Variants in SHKBP1 observed in about 807,000 individuals in gnomAD.
SHKBP1 encodes the protein SH3KBP1 binding protein 1.
SHKBP1 carries 71 observed loss-of-function variants against 83.9 expected under a neutral mutation model. The ratio of observed to expected loss-of-function variants is 0.85; its 90% CI spans 0.70 to 1.03. SHKBP1 has a LOEUF of 1.03. Among genes scored for constraint, SHKBP1 ranks in the 50% least tolerant of loss-of-function variants. The pLI is 0.00. For missense variants in SHKBP1, 824 were observed against 982.4 expected (o/e 0.84, Z 2.16); for synonymous variants, 371 against 398.0 (o/e 0.93, Z 0.81).
At position 40,589,287 on chromosome 19, in the gene SHKBP1, C is replaced by T. The variant is rs931258120; in HGVS notation, c.1589+109C>T. 2.7e-6 allele frequency: 3 copies of T among 1,118,632 alleles called. No individual in the cohort carries two copies. The Admixed American group carries it at 6.0e-5, about 22-fold the overall frequency. 69.3% of individuals were successfully genotyped at this position (1,118,632 alleles called of 1,614,324 possible). A position where few individuals can be genotyped will look rare whatever the true frequency, so the allele number is the denominator to read the frequency against. On this transcript the variant is annotated intron_variant, in intron 15 of 17. Transcript: ENST00000291842. The stretch of plus-strand genomic sequence containing the variant: ...CAGATCACTGAGGCCAGAAAGGGGT[C>T]CCAGCCAAGGAGCATTGAAGGAGCA...
In SHKBP1 at chr19:40,586,827, CG is replaced by C; in HGVS notation, c.1222del (p.Val408SerfsTer51). 6.2e-7 allele frequency: 1 copy of C among 1,611,014 alleles called. No homozygotes were observed. Among genetic ancestry groups the C allele is most frequent in the Non-Finnish European group, 8.5e-7 (1 of 1,178,104 alleles). ...IAYGTSSGGV[R>X]VIVQHPETVG... ...CTATGGCACCAGCTCAGGGGGCGTG[CG>C]GGTCATCGTGCAGCACCCGGAGACT... is the stretch of plus-strand genomic sequence containing the variant. On this transcript the variant is annotated frameshift_variant, in exon 13 of 18. Coordinates refer to ENST00000291842, the MANE Select transcript of SHKBP1 (RefSeq NM_138392.4). LOFTEE classifies it high-confidence loss of function.
Position 40,583,584 on chromosome 19 carries a change from C to A in SHKBP1, c.1049-17C>A, listed in dbSNP as rs777208761. 1.9e-6 allele frequency: 3 copies of A among 1,610,890 alleles called. No individual in the cohort carries two copies. Among genetic ancestry groups the A allele is most frequent in the South Asian group, 1.1e-5 (1 of 90,982 alleles). Reference sequence around the variant, plus strand: ...GCACTTGGAACAAACCCGCTCCACCCTCCCTGCCCACCCCAGATGTGCAGA... The same window carrying A: ...GCACTTGGAACAAACCCGCTCCACCATCCCTGCCCACCCCAGATGTGCAGA... On this transcript the variant is annotated splice_polypyrimidine_tract_variant and intron_variant, in intron 11 of 17. Coordinates refer to ENST00000291842, the MANE Select transcript of SHKBP1 (RefSeq NM_138392.4).
At position 40,591,077 on chromosome 19, in the gene SHKBP1, A is replaced by T; in HGVS notation, c.1994A>T (p.Glu665Val). ...ARRRGGGSFV[E>V]RCQELVRSGP... Reference sequence around the variant, plus strand: ...CGCCGTGGTGGGGGCAGCTTTGTGGAACGCTGCCAGGAACTGGTGCGGAGT... The same window carrying T: ...CGCCGTGGTGGGGGCAGCTTTGTGGTACGCTGCCAGGAACTGGTGCGGAGT... Residue 665 changes from glutamate to valine, a missense_variant, in exon 18 of 18, where the codon GAA becomes GTA. By Grantham distance (121) the Glu-to-Val change is moderately radical (BLOSUM62 -2). Transcript: ENST00000291842. 6.2e-7 allele frequency: 1 copy of T among 1,612,948 alleles called. No individual in the cohort carries two copies. Among genetic ancestry groups the T allele is most frequent in the Middle Eastern group, 1.7e-4 (1 of 6,054 alleles).
chr19:40,584,801 T>G (rs978378420), intron 12 of SHKBP1, among the ~76,000 whole-genome samples: 2 of 152,214 alleles, frequency 1.3e-5, no homozygotes, highest in African/African-American at 2.4e-5. Context: ...TTTTCTACTT[T>G]AAGTAGAGAC....
rs777788086 is a variant in SHKBP1 at position 40,589,176 on chromosome 19, GCGGTGAGGA to G, written c.1589_1589+8del. 8 of 1,610,260 alleles carry G rather than the reference GCGGTGAGGA, an allele frequency of 5.0e-6. No individual in the cohort carries two copies. In the South Asian group the frequency reaches 5.5e-5, roughly 11 times the overall value. On this transcript the variant is annotated splice_donor_variant and splice_donor_5th_base_variant and coding_sequence_variant and intron_variant, in exon 15 of 18. Coordinates refer to ENST00000291842, the MANE Select transcript of SHKBP1 (RefSeq NM_138392.4). LOFTEE classifies it high-confidence loss of function. The stretch of plus-strand genomic sequence containing the variant: ...TCGTGCGTCTCTCATCTACTGGGCA[GCGGTGAGGA>G]CAGTCCTGTCCAACAGGGAGGGAGG...
At chr19:40,578,415 G>T (rs1419583809) in intron 5 of SHKBP1, 47 bp from the exon 6 acceptor site, 1 of 1,594,554 alleles carries the variant, frequency 6.3e-7, no homozygotes, top group Admixed American at 1.7e-5. Flanking sequence ...AAATGGGGTG[G>T]CCTCAGCATC....
rs768058110 is a variant in SHKBP1, at chr19:40,591,245, C to T, written c.*38C>T. 2.0e-6 allele frequency: 3 copies of T among 1,514,954 alleles called. No homozygotes were observed. The Admixed American group carries it at 5.9e-5, about 30-fold the overall frequency. 93.8% of individuals were successfully genotyped at this position (1,514,954 alleles called of 1,614,324 possible). On this transcript the variant is annotated 3_prime_UTR_variant, in exon 18 of 18. Coordinates refer to ENST00000291842, the MANE Select transcript of SHKBP1 (RefSeq NM_138392.4). ...CCATGATGCCTTGGGATGCCCTGGT[C>T]CTGGGGGACTCAGGTGCCTCCCTGA...
chr19:40,587,476 C>T (rs775831002), intron 13 of SHKBP1, among the ~76,000 whole-genome samples: 2 of 152,030 alleles, frequency 1.3e-5, no homozygotes, highest in Non-Finnish European at 2.9e-5. Context: ...CTGTAATCCC[C>T]GCTACTCGGG....
Position 40,590,591 on chromosome 19 carries a change from T to C in SHKBP1, c.1769-139T>C. The C allele has an allele frequency of 1.5e-6, 2 of 1,310,734 alleles. No individual in the cohort carries two copies. Among genetic ancestry groups the C allele is most frequent in the African/African-American group, 3.0e-5 (2 of 67,786 alleles). The allele number at this position is 1,310,734 out of a possible 1,614,324, so 81.2% of individuals were successfully genotyped here. On this transcript the variant is annotated intron_variant, in intron 16 of 17. Transcript: ENST00000291842. This position sits in a 1 kb window ranked among gnomAD's most constrained non-coding sequence, Gnocchi z 4.6. ...TCCTGCCCTTGTTTTTCAACCCCTG[T>C]CTCAGCCTCTGGCCCCCATGCATTG...
At position 40,591,173 on chromosome 19, in the gene SHKBP1, C is replaced by A; in HGVS notation, c.2090C>A (p.Pro697His). 6.3e-7 allele frequency: 1 copy of A among 1,595,060 alleles called. No individual in the cohort carries two copies. Among genetic ancestry groups the A allele is most frequent in the Non-Finnish European group, 8.6e-7 (1 of 1,164,932 alleles). Reference sequence around the variant, plus strand: ...AGCGGTCTCGGCACTCCCCTCACACCTCCCAAGATGAAGCTCAATGAAACT... The same window carrying A: ...AGCGGTCTCGGCACTCCCCTCACACATCCCAAGATGAAGCTCAATGAAACT... Reference protein sequence around the residue: ...PSSGLGTPLTPPKMKLNETSF With the variant: ...PSSGLGTPLTHPKMKLNETSF The change falls in exon 18 of 18, where the codon CCT becomes CAT. Residue 697 changes from proline (P) to histidine (H), a missense_variant. Pro to His is a moderately conservative substitution (Grantham distance 77). This residue lies in a region of SHKBP1 where 287 missense variants were observed against 322.9 expected (regional missense o/e 0.89). Coordinates refer to ENST00000291842, the MANE Select transcript of SHKBP1 (RefSeq NM_138392.4).
chr19:40,586,549 T>C (rs1376007045), intron 12 of SHKBP1: 3 of 378,340 alleles, frequency 7.9e-6, no homozygotes, highest in Non-Finnish European at 1.4e-5. Context: ...GTATTTTTAC[T>C]AGAGACAGGG....
Position 40,580,581 on chromosome 19 carries a change from C to G in SHKBP1, c.578C>G (p.Pro193Arg), listed in dbSNP as rs1037265096. ...PPSPSGQPEE[P>R]GMVRLVCGHH... ...TCCCCTCAAGGACAACCTGAGGAGCCGGGGATGGTGCGCCTGGTGTGTGGA... is the reference window on the plus strand; with the variant it reads ...TCCCCTCAAGGACAACCTGAGGAGCGGGGGATGGTGCGCCTGGTGTGTGGA... Residue 193 changes from proline (P) to arginine (R), a missense_variant, in exon 8 of 18, where the codon CCG becomes CGG. Physicochemically the swap from Pro to Arg is moderately radical, Grantham distance 103 (BLOSUM62 -2). Around this residue, in one of 3 missense-constraint regions of SHKBP1, gnomAD observed 355 missense variants for 386.4 expected, o/e 0.92. Transcript: ENST00000291842. 4 of 1,614,030 alleles carry G rather than the reference C, an allele frequency of 2.5e-6. No individual in the cohort carries two copies. Among genetic ancestry groups the G allele is most frequent in the Non-Finnish European group, 3.4e-6 (4 of 1,180,056 alleles).
rs552118122 is a variant in SHKBP1 at position 40,590,203 on chromosome 19, G to A, written c.1590-41G>A. ...GGTGGGGACTGGGACGAGGAAGGGT[G>A]AGAAAGCGAGGGTGACCACCTCCCC... is the stretch of plus-strand genomic sequence containing the variant. On this transcript the variant is annotated intron_variant, in intron 15 of 17. Coordinates refer to ENST00000291842, the MANE Select transcript of SHKBP1 (RefSeq NM_138392.4). This position sits in a 1 kb window ranked among gnomAD's most constrained non-coding sequence, Gnocchi z 4.6. The A allele has an allele frequency of 1.3e-6, 2 of 1,508,168 alleles. No homozygotes were observed. Among genetic ancestry groups the A allele is most frequent in the Non-Finnish European group, 1.8e-6 (2 of 1,126,848 alleles). 93.4% of individuals were successfully genotyped at this position (1,508,168 alleles called of 1,614,324 possible).
In SHKBP1 at chr19:40,590,689, A is replaced by G; in HGVS notation, c.1769-41A>G. ...ATGCAACCCAGGCCCTTGCCCTATGACCCCTGTCTTGCCCCCTGACCCTGC... is the reference window on the plus strand; with the variant it reads ...ATGCAACCCAGGCCCTTGCCCTATGGCCCCTGTCTTGCCCCCTGACCCTGC... On this transcript the variant is annotated intron_variant, in intron 16 of 17. Transcript: ENST00000291842. This position sits in a 1 kb window ranked among gnomAD's most constrained non-coding sequence, Gnocchi z 4.6. 3 of 1,539,154 alleles carry G rather than the reference A, an allele frequency of 1.9e-6. No individual in the cohort carries two copies. The highest frequency in any genetic ancestry group is 2.6e-6 in the Non-Finnish European group (3 of 1,140,354).
chr19:40,583,793 G>A (rs1249460294), intron 12 of SHKBP1, 76 bp downstream of exon 12: 3 of 1,128,852 alleles, frequency 2.7e-6, no homozygotes, highest in Non-Finnish European at 4.0e-6. Flanking sequence ...CCCCCAACTT[G>A]TGTAGCATGA....
At position 40,586,792 on chromosome 19, in the gene SHKBP1, T is replaced by C. The variant is rs1391873504; in HGVS notation, c.1184T>C (p.Ile395Thr). The stretch of plus-strand genomic sequence containing the variant: ...TCACCAGGTGACAGTGGGAACTGGA[T>C]CGAGATCGCCTATGGCACCAGCTCA... Reference protein sequence around the residue: ...TPKTSDSGNWIEIAYGTSSGG... With the variant: ...TPKTSDSGNWTEIAYGTSSGG... The change falls in exon 13 of 18, where the codon ATC becomes ACC. Residue 395 changes from isoleucine (I) to threonine (T), a missense_variant. Coordinates refer to ENST00000291842, the MANE Select transcript of SHKBP1 (RefSeq NM_138392.4). 3 of 1,593,638 alleles carry C rather than the reference T, an allele frequency of 1.9e-6. No homozygotes were observed. The highest frequency in any genetic ancestry group is 2.6e-6 in the Non-Finnish European group (3 of 1,166,286).
rs1284032165 is a variant in SHKBP1, at chr19:40,580,944, C to T, written c.844+8C>T. 1 of 1,526,026 alleles carries T rather than the reference C, an allele frequency of 6.6e-7. No homozygotes were observed. Among genetic ancestry groups the T allele is most frequent in the Non-Finnish European group, 8.8e-7 (1 of 1,137,398 alleles). The allele number at this position is 1,526,026 out of a possible 1,614,324, so 94.5% of individuals were successfully genotyped here. ...GCGGTGGCTCCGAGATAGGTATGACCCCAAGCCTTTTCCAGAACCCTCTGT... is the reference window on the plus strand; with the variant it reads ...GCGGTGGCTCCGAGATAGGTATGACTCCAAGCCTTTTCCAGAACCCTCTGT... On this transcript the variant is annotated splice_region_variant and intron_variant, in intron 9 of 17. Coordinates refer to ENST00000291842, the MANE Select transcript of SHKBP1 (RefSeq NM_138392.4).
chr19:40,582,539 G>T, intron 10 of SHKBP1, 73 bp downstream of exon 10: 1 of 1,297,798 alleles, frequency 7.7e-7, no homozygotes. Context: ...AGGGGTTCAC[G>T]TCTGCCCCCA....
At position 40,588,739 on chromosome 19, in the gene SHKBP1, G is replaced by A. The variant is rs144817675; in HGVS notation, c.1452G>A (p.Ser484=). 1.2e-4 allele frequency: 198 copies of A among 1,613,862 alleles called. No homozygotes were observed. Among genetic ancestry groups the A allele is most frequent in the Non-Finnish European group, 1.5e-4 (182 of 1,180,032 alleles). Residue 484 remains serine (S), a synonymous_variant, in exon 14 of 18, where the codon TCG becomes TCA. Coordinates refer to ENST00000291842, the MANE Select transcript of SHKBP1 (RefSeq NM_138392.4). ...CCTTTAAGATCCTGGCTCTGGAGTC[G>A]GCAGATGGGCATGGCGGCTGCAGTG... is the stretch of plus-strand genomic sequence containing the variant. ...LASFKILALE[S]ADGHGGCSAG... is the part of the protein sequence containing the mutation.
Sources: gnomAD v4.1 joint callset for allele counts (sites outside exome capture counted in the v4.1 genomes callset) on GRCh38, gnomAD v4.1.1 for gene constraint, gnomAD v4.1.1 regional missense constraint, Gnocchi (gnomAD v3.1) non-coding constraint, MANE v1.5 for transcripts, NCBI Gene and HGNC (gene_info 2026-07-23, HGNC 2026-07-21) for gene names.